Variants in CUBN observed in about 807,000 individuals in gnomAD.
The protein encoded by CUBN is cubilin.
CUBN carries 282 observed loss-of-function variants against 405.3 expected under a neutral mutation model. That is an observed-to-expected ratio of 0.70 (90% CI 0.63 to 0.77). The LOEUF is 0.77. CUBN is among the 30% of genes least tolerant of loss of function. The pLI is 0.00. For synonymous variants in CUBN, 1,684 were observed against 1,617.0 expected (o/e 1.04, Z -0.99); for missense variants, 4,514 against 4,475.2 (o/e 1.01, Z -0.25).
At chr10:16,829,383 A>T (rs1324679108) in intron 65 of CUBN, among the ~76,000 whole-genome samples, 2 of 148,608 alleles carry the variant, frequency 1.3e-5, no homozygotes, top group Non-Finnish European at 3.0e-5. Context: ...TAACTGTGGG[A>T]GAAAATCAAG....
Position 17,067,191 on chromosome 10 carries a change from T to C in CUBN, c.3008+873A>G, listed in dbSNP as rs548870163. ...GAGGAAAAATCAATCTATAAAACCA[T>C]AGCAGGAAACAATCCAAATGTCTGA... is the stretch of plus-strand genomic sequence containing the variant. On this transcript the variant is annotated intron_variant, in intron 21 of 66. Coordinates refer to ENST00000377833, the MANE Select transcript of CUBN (RefSeq NM_001081.4). Among the ~76,000 whole-genome samples the C allele has an allele frequency of 1.7e-4, 26 of 152,088 alleles. No individual in the cohort carries two copies. The South Asian group carries it at 5.0e-3, about 29-fold the overall frequency.
intron 17 of CUBN, among the ~76,000 whole-genome samples, chr10:17,081,211 C>T (rs1485598614): frequency 6.6e-6 from 1 of 152,156 alleles, no homozygotes; most frequent in Non-Finnish European, 1.5e-5. Flanking sequence ...AGCAATGGTA[C>T]CTTAATCTTC....
At chr10:16,849,560 T>G (rs1226703701) in intron 60 of CUBN, among the ~76,000 whole-genome samples, 1 of 152,198 alleles carries the variant, frequency 6.6e-6, no homozygotes, top group Non-Finnish European at 1.5e-5. Context: ...CCTTAGCCCC[T>G]TTCATAGTAA....
At chr10:17,129,342 C>T in intron 1 of CUBN, 92 bp from the exon 2 acceptor site, 1 of 1,383,954 alleles carries the variant, frequency 7.2e-7, no homozygotes, top group Non-Finnish European at 1.0e-6. Flanking sequence ...AACTACAGGC[C>T]AAATACATCT....
chr10:16,843,317 A>C (rs1052187640), intron 60 of CUBN, among the ~76,000 whole-genome samples: 11 of 152,220 alleles, frequency 7.2e-5, no homozygotes, highest in African/African-American at 2.7e-4. Context: ...CTAACTCCAA[A>C]TATTCAATTC....
chr10:16,911,640 T>C (rs1014910207), intron 48 of CUBN, among the ~76,000 whole-genome samples: 16 of 152,230 alleles, frequency 1.1e-4, no homozygotes, highest in African/African-American at 3.1e-4. Flanking sequence ...ACTGTTCATA[T>C]TCTCTTTCCT....
intron 59 of CUBN, among the ~76,000 whole-genome samples, chr10:16,855,960 T>C (rs938547918): frequency 2.6e-5 from 4 of 152,202 alleles, no homozygotes; most frequent in African/African-American, 9.6e-5. Context: ...TAAGTGTATA[T>C]GTCTTTGAGA....
chr10:16,913,774 A>G, intron 48 of CUBN, 37 bp downstream of exon 48: 1 of 1,610,984 alleles, frequency 6.2e-7, no homozygotes, highest in Non-Finnish European at 8.5e-7. Context: ...TCTTTAAATG[A>G]TGGAATATAA....
At position 17,054,787 on chromosome 10, in the gene CUBN, T is replaced by C. The variant is rs562200889; in HGVS notation, c.3140-7184A>G. 3.9e-5 allele frequency among the ~76,000 whole-genome samples: 6 copies of C among 152,218 alleles called. No homozygotes were observed. The South Asian group carries it at 1.2e-3, about 32-fold the overall frequency. On this transcript the variant is annotated intron_variant, in intron 22 of 66. Coordinates refer to ENST00000377833, the MANE Select transcript of CUBN (RefSeq NM_001081.4). ...TGAAATAGAAAGCTTTAATAGTCTC[T>C]ATTAATTGAAGAAATTAAATTTGTA...
In CUBN at chr10:17,058,270, C is replaced by T. The variant is rs76087015; in HGVS notation, c.3139+7238G>A. Among the ~76,000 whole-genome samples the T allele has an allele frequency of 8.2e-3, 1,249 of 152,046 alleles. 16 individuals carry two copies. The highest frequency in any genetic ancestry group is 0.026 in the African/African-American group (1,096 of 41,484). ...GTTGAGGAAACTAATAAAAGGAACA[C>T]GAGGATCCCTTCTGGAGGGACAGAA... On this transcript the variant is annotated intron_variant, in intron 22 of 66. Transcript: ENST00000377833.
In CUBN at chr10:16,933,226, G is replaced by GC; in HGVS notation, c.5984dup (p.Trp1996LeufsTer3). On this transcript the variant is annotated frameshift_variant, in exon 40 of 67. Transcript: ENST00000377833. LOFTEE classifies it high-confidence loss of function. ...CTCTATTACTGTAACTGTCAGGCCA[G>GC]CCCGGGGAGAAGAGAAACACGGGTG... is the stretch of plus-strand genomic sequence containing the variant. The GC allele has an allele frequency of 6.2e-7, 1 of 1,614,048 alleles. No individual in the cohort carries two copies. Among genetic ancestry groups the GC allele is most frequent in the Non-Finnish European group, 8.5e-7 (1 of 1,179,978 alleles).
intron 27 of CUBN, among the ~76,000 whole-genome samples, chr10:17,039,087 C>G (rs934055378): frequency 2.0e-5 from 3 of 151,588 alleles, no homozygotes; most frequent in East Asian, 1.9e-4. Context: ...CCTCCCCCCT[C>G]TTTCTGCCAA....
chr10:16,825,725 G>A (rs1261981091), intron 66 of CUBN, among the ~76,000 whole-genome samples: 1 of 149,148 alleles, frequency 6.7e-6, no homozygotes, highest in Non-Finnish European at 1.5e-5. Flanking sequence ...TCATTCATTT[G>A]GCAAATATTG....
intron 6 of CUBN, among the ~76,000 whole-genome samples, chr10:17,118,674 T>C (rs1836962261): frequency 6.6e-6 from 1 of 152,182 alleles, no homozygotes; most frequent in Admixed American, 6.5e-5. Context: ...TGACATCAGG[T>C]GATCCACCCA....
At chr10:16,879,507 G>A (rs117537763) in intron 56 of CUBN, among the ~76,000 whole-genome samples, 3,823 of 152,240 alleles carry the variant, frequency 0.025, 68 homozygotes, top group Non-Finnish European at 0.04. Context: ...GCTATGGCAC[G>A]GTGGACTCTG....
intron 45 of CUBN, among the ~76,000 whole-genome samples, chr10:16,917,497 TC>T (rs1841915915): frequency 6.6e-6 from 1 of 152,180 alleles, no homozygotes; most frequent in Non-Finnish European, 1.5e-5. Flanking sequence ...GTAAATGTGG[TC>T]TCTCAAAATA....
chr10:17,080,116 C>T (rs1291441680), intron 17 of CUBN, among the ~76,000 whole-genome samples: 1 of 152,170 alleles, frequency 6.6e-6, no homozygotes, highest in African/African-American at 2.4e-5. Flanking sequence ...CATCACATCT[C>T]ACAGGTTTTG....
At chr10:17,062,204 T>C (rs978863091) in intron 22 of CUBN, among the ~76,000 whole-genome samples, 4 of 152,202 alleles carry the variant, frequency 2.6e-5, no homozygotes, top group African/African-American at 9.6e-5. Flanking sequence ...AATAAATTAA[T>C]TTCATGACTC....
At chr10:17,071,784 C>T (rs1290228476) in intron 18 of CUBN, 43 bp downstream of exon 18, 5 of 1,595,954 alleles carry the variant, frequency 3.1e-6, no homozygotes, top group Non-Finnish European at 4.3e-6. Flanking sequence ...TAAAATATTA[C>T]AATCAGGCAA....
Sources: gnomAD v4.1 joint callset for allele counts (sites outside exome capture counted in the v4.1 genomes callset) on GRCh38, gnomAD v4.1.1 for gene constraint, MANE v1.5 for transcripts, NCBI Gene and HGNC (gene_info 2026-07-23, HGNC 2026-07-21) for gene names.